GPC5: variants seen among roughly 807,000 people sequenced by gnomAD.
GPC5 encodes the protein glypican-5.
A neutral mutation model predicts 53.9 loss-of-function variants in GPC5; 47 were observed. The observed-to-expected ratio is 0.87, with a 90% CI of 0.69 to 1.11. The LOEUF (loss-of-function observed/expected upper bound fraction) is 1.11, where lower values mean the gene tolerates loss of function less well. Ranked by LOEUF, GPC5 falls within the 50% of genes most tolerant of loss-of-function variation. The pLI is 0.00. For synonymous variants in GPC5, 286 were observed against 263.3 expected (o/e 1.09, Z -0.84); for missense variants, 748 against 713.1 (o/e 1.05, Z -0.56).
At chr13:92,584,626 A>G (rs542687468) in intron 7 of GPC5, among the ~76,000 whole-genome samples, 6 of 152,202 alleles carry the variant, frequency 3.9e-5, no homozygotes, top group Middle Eastern at 3.2e-3. Flanking sequence ...AGAAATTTGC[A>G]TAAGTAACTA....
At chr13:91,771,178 T>A (rs1252075839) in intron 5 of GPC5, among the ~76,000 whole-genome samples, 1 of 152,112 alleles carries the variant, frequency 6.6e-6, no homozygotes, top group African/African-American at 2.4e-5. Flanking sequence ...AATAGATAAT[T>A]TACAGAACAT....
At chr13:92,021,048 A>C (rs1265116785) in intron 6 of GPC5, among the ~76,000 whole-genome samples, 1 of 152,166 alleles carries the variant, frequency 6.6e-6, no homozygotes, top group South Asian at 2.1e-4. Context: ...GTTGGTATCC[A>C]GTTTTCAACA....
chr13:92,289,394 C>G (rs2042978401), intron 7 of GPC5, among the ~76,000 whole-genome samples: 1 of 151,436 alleles, frequency 6.6e-6, no homozygotes, highest in African/African-American at 2.4e-5. Flanking sequence ...CACTGTATAT[C>G]AAAGATTTAA....
chr13:91,960,069 T>C (rs2040112701), intron 6 of GPC5, among the ~76,000 whole-genome samples: 1 of 151,838 alleles, frequency 6.6e-6, no homozygotes, highest in Admixed American at 6.6e-5. Flanking sequence ...CTGAAAATCC[T>C]AGCCAGAGAA....
chr13:92,785,448 G>T (rs1246748257), intron 7 of GPC5, among the ~76,000 whole-genome samples: 1 of 152,132 alleles, frequency 6.6e-6, no homozygotes, highest in Non-Finnish European at 1.5e-5. Context: ...AGGTAGCTAA[G>T]AAAACTAATC....
At chr13:92,284,869 G>A (rs548093187) in intron 7 of GPC5, among the ~76,000 whole-genome samples, 59 of 152,214 alleles carry the variant, frequency 3.9e-4, no homozygotes, top group African/African-American at 1.1e-3. Context: ...CCTATTCAAC[G>A]TAGTGTTGGA....
intron 5 of GPC5, among the ~76,000 whole-genome samples, chr13:91,782,794 A>G (rs2037818483): frequency 6.6e-6 from 1 of 152,312 alleles, no homozygotes; most frequent in East Asian, 1.9e-4. Flanking sequence ...AAATAAAAGA[A>G]TCAACTCCAG....
intron 7 of GPC5, among the ~76,000 whole-genome samples, chr13:92,409,405 T>C (rs927537090): frequency 1.3e-5 from 2 of 151,902 alleles, no homozygotes; most frequent in African/African-American, 4.8e-5. Flanking sequence ...AGATTAGGAA[T>C]TGGTAGTTCA....
intron 3 of GPC5, among the ~76,000 whole-genome samples, chr13:91,703,603 C>G (rs1209258699): frequency 1.3e-5 from 2 of 151,970 alleles, no homozygotes; most frequent in African/African-American, 4.8e-5. Context: ...ATGATATGTA[C>G]TTTTATTTTC....
chr13:91,459,872 A>C (rs576837622), intron 2 of GPC5, among the ~76,000 whole-genome samples: 1 of 152,206 alleles, frequency 6.6e-6, no homozygotes, highest in African/African-American at 2.4e-5. Flanking sequence ...ACAATTCTAC[A>C]CAACAAAACA....
At position 91,977,947 on chromosome 13, in the gene GPC5, T is replaced by TA. The variant is rs1413529700; in HGVS notation, c.1401+69894dup. 2.5e-3 allele frequency among the ~76,000 whole-genome samples: 235 copies of TA among 92,684 alleles called. 2 individuals carry two copies. In the East Asian group the frequency reaches 0.04, roughly 16 times the overall value. The allele number at this position is 92,684 out of a possible 152,430, so 60.8% of individuals were successfully genotyped here. A position where few individuals can be genotyped will look rare whatever the true frequency, so the allele number is the denominator to read the frequency against. ...GGAAACATAACGAGACCGCCATCTC[T>TA]AAAAGAAAAAAGAAAGAAAGAAAGA... On this transcript the variant is annotated intron_variant, in intron 6 of 7. Transcript: ENST00000377067.
chr13:92,158,845 T>A (rs1393542391), intron 7 of GPC5, among the ~76,000 whole-genome samples: 2 of 152,224 alleles, frequency 1.3e-5, no homozygotes, highest in Non-Finnish European at 2.9e-5. Flanking sequence ...GAGAGGAGGC[T>A]GGTTCGGTAT....
intron 7 of GPC5, among the ~76,000 whole-genome samples, chr13:92,574,610 C>T (rs535720627): frequency 1.1e-3 from 161 of 152,244 alleles, no homozygotes; most frequent in African/African-American, 3.7e-3. Context: ...GGATTACTGA[C>T]ACACATAACT....
chr13:92,300,477 G>A (rs1053781489), intron 7 of GPC5, among the ~76,000 whole-genome samples: 1 of 152,158 alleles, frequency 6.6e-6, no homozygotes, highest in Non-Finnish European at 1.5e-5. Flanking sequence ...TGACACTGAT[G>A]TTGCTATTTC....
chr13:91,984,511 C>T (rs987245425), intron 6 of GPC5, among the ~76,000 whole-genome samples: 1 of 152,130 alleles, frequency 6.6e-6, no homozygotes, highest in Non-Finnish European at 1.5e-5. Flanking sequence ...GCAAAGAGCA[C>T]GCTCACGTGG....
intron 7 of GPC5, among the ~76,000 whole-genome samples, chr13:92,754,860 G>C (rs971357454): frequency 1.4e-5 from 2 of 145,052 alleles, no homozygotes; most frequent in African/African-American, 5.1e-5. Context: ...AAGAGACTTA[G>C]ACTCCCACAC....
chr13:92,508,049 C>T (rs1045316223), intron 7 of GPC5, among the ~76,000 whole-genome samples: 9 of 151,992 alleles, frequency 5.9e-5, no homozygotes, highest in East Asian at 1.9e-4. Flanking sequence ...TTGCAATCTC[C>T]GCCTCCCAGG....
At chr13:91,543,890 A>G (rs1451541902) in intron 2 of GPC5, among the ~76,000 whole-genome samples, 1 of 152,200 alleles carries the variant, frequency 6.6e-6, no homozygotes, top group Non-Finnish European at 1.5e-5. Flanking sequence ...TTTCTTTTGA[A>G]ATATGTATTA....
In GPC5 at chr13:91,486,945, C is replaced by G. The variant is rs562449449; in HGVS notation, c.325+38023C>G. 711 of 152,254 alleles carry G rather than the reference C, an allele frequency of 4.7e-3. 11 individuals are homozygous for G. The highest frequency in any genetic ancestry group is 0.01 in the Middle Eastern group (3 of 294). 9.4% of individuals were successfully genotyped at this position (152,254 alleles called of 1,614,324 possible). A position where few individuals can be genotyped will look rare whatever the true frequency, so the allele number is the denominator to read the frequency against. On this transcript the variant is annotated intron_variant, in intron 2 of 7. Coordinates refer to ENST00000377067, the MANE Select transcript of GPC5 (RefSeq NM_004466.6). ...CTGGAATGATTGTCTGTATCAAGGCCATATTCCTAAAATATGAAATCTGTG... is the reference window on the plus strand; with the variant it reads ...CTGGAATGATTGTCTGTATCAAGGCGATATTCCTAAAATATGAAATCTGTG...
Sources: gnomAD v4.1 joint callset for allele counts (sites outside exome capture counted in the v4.1 genomes callset) on GRCh38, gnomAD v4.1.1 for gene constraint, MANE v1.5 for transcripts, NCBI Gene and HGNC (gene_info 2026-07-23, HGNC 2026-07-21) for gene names.